ASTN2: variants seen among roughly 807,000 people sequenced by gnomAD.
The protein encoded by ASTN2 is astrotactin 2, also known as astrotactin-2.
Under a neutral mutation model 139.8 loss-of-function variants are expected in ASTN2, and 54 were observed. The ratio of observed to expected loss-of-function variants is 0.39; its 90% CI spans 0.31 to 0.48. ASTN2 has a LOEUF of 0.48. Ranked by LOEUF, ASTN2 falls within the 20% of genes least tolerant of loss-of-function variation. ASTN2 has a pLI of 0.95. For synonymous variants in ASTN2, 756 were observed against 719.5 expected (o/e 1.05, Z -0.81); for missense variants, 1,565 against 1,725.1 (o/e 0.91, Z 1.64).
intron 4 of ASTN2, among the ~76,000 whole-genome samples, chr9:117,099,762 T>C (rs1828929425): frequency 6.6e-6 from 1 of 152,124 alleles, no homozygotes; most frequent in African/African-American, 2.4e-5. Flanking sequence ...GGTAAATCTA[T>C]TCCTTTTTTA....
At chr9:117,230,185 G>A (rs201400369) in intron 2 of ASTN2, among the ~76,000 whole-genome samples, 16 of 139,252 alleles carry the variant, frequency 1.1e-4, no homozygotes, top group South Asian at 2.4e-4. Context: ...TCTTCAGGCT[G>A]AAAAAAAAAA....
chr9:116,779,102 C>A (rs1480798096), intron 13 of ASTN2, among the ~76,000 whole-genome samples: 1 of 56,784 alleles, frequency 1.8e-5, no homozygotes. Context: ...CAATCAATTC[C>A]TACCACTCTC....
intron 16 of ASTN2, among the ~76,000 whole-genome samples, chr9:116,678,345 C>T (rs549228185): frequency 3.9e-5 from 6 of 152,260 alleles, no homozygotes; most frequent in Non-Finnish European, 7.4e-5. Flanking sequence ...TAGGCTCCAC[C>T]CCTAGTACAT....
At chr9:116,702,885 A>C (rs537306687) in intron 16 of ASTN2, among the ~76,000 whole-genome samples, 2 of 152,198 alleles carry the variant, frequency 1.3e-5, no homozygotes, top group African/African-American at 2.4e-5. Flanking sequence ...GGGCACTCTT[A>C]TTCCAATCAG....
intron 10 of ASTN2, among the ~76,000 whole-genome samples, chr9:116,942,103 CA>C (rs1835255614): frequency 7.9e-5 from 11 of 139,610 alleles, no homozygotes; most frequent in Non-Finnish European, 1.4e-4. Flanking sequence ...CACACACACA[CA>C]CACACACACA....
At chr9:117,015,150 A>G (rs1837638730) in intron 6 of ASTN2, among the ~76,000 whole-genome samples, 2 of 152,000 alleles carry the variant, frequency 1.3e-5, no homozygotes, top group Admixed American at 1.3e-4. Context: ...AGCTAGGACT[A>G]CAGAGACACT....
chr9:116,788,606 T>G (rs1830443200), intron 13 of ASTN2, among the ~76,000 whole-genome samples: 1 of 152,102 alleles, frequency 6.6e-6, no homozygotes, highest in Non-Finnish European at 1.5e-5. Flanking sequence ...GTTACCTCAT[T>G]TATAAAATGA....
intron 4 of ASTN2, among the ~76,000 whole-genome samples, chr9:117,124,280 T>C (rs1249220814): frequency 6.6e-6 from 1 of 152,144 alleles, no homozygotes; most frequent in East Asian, 1.9e-4. Flanking sequence ...CTCATTTGTG[T>C]TATGGGACGA....
chr9:116,690,178 C>T (rs570882290), intron 16 of ASTN2, among the ~76,000 whole-genome samples: 7 of 152,300 alleles, frequency 4.6e-5, no homozygotes, highest in South Asian at 4.1e-4. Flanking sequence ...TCAGTAGCTA[C>T]GGCACTTGTC....
At chr9:116,600,085 G>A (rs576583488) in intron 19 of ASTN2, among the ~76,000 whole-genome samples, 1 of 152,204 alleles carries the variant, frequency 6.6e-6, no homozygotes, top group South Asian at 2.1e-4. Flanking sequence ...TACTTTGGGA[G>A]GTCAAGGTGG....
chr9:117,333,545 G>C (rs957274683), intron 1 of ASTN2, among the ~76,000 whole-genome samples: 1 of 152,100 alleles, frequency 6.6e-6, no homozygotes, highest in African/African-American at 2.4e-5. Flanking sequence ...TTATTGCAGG[G>C]GGGGTTGGAA....
At chr9:117,196,619 C>T (rs1831512078) in intron 3 of ASTN2, among the ~76,000 whole-genome samples, 1 of 152,132 alleles carries the variant, frequency 6.6e-6, no homozygotes. Flanking sequence ...TCTGCCTCCA[C>T]CCTAGATTCT....
chr9:117,214,886 G>T, intron 2 of ASTN2, 144 bp from the exon 3 acceptor site: 1 of 1,018,984 alleles, frequency 9.8e-7, no homozygotes, highest in Non-Finnish European at 1.3e-6. Context: ...TGGTTTTTAA[G>T]CTAGAGAGAC....
chr9:117,162,685 T>C (rs1830580398), intron 3 of ASTN2, among the ~76,000 whole-genome samples: 1 of 152,106 alleles, frequency 6.6e-6, no homozygotes. Flanking sequence ...ATTGTACTGT[T>C]GTACAAAGGG....
At chr9:116,482,530 TG>T (rs1477928739) in intron 20 of ASTN2, among the ~76,000 whole-genome samples, 2 of 152,132 alleles carry the variant, frequency 1.3e-5, no homozygotes, top group African/African-American at 4.8e-5. Flanking sequence ...CCTGCCTCAG[TG>T]TGCAAGCCTC....
rs550913960 is a variant in ASTN2, at chr9:117,218,488, C to A, written c.631-3746G>T. 1.8e-3 allele frequency among the ~76,000 whole-genome samples: 274 copies of A among 152,300 alleles called. 1 individual carries two copies. The highest frequency in any genetic ancestry group is 6.3e-3 in the African/African-American group (260 of 41,554). On this transcript the variant is annotated intron_variant, in intron 2 of 22. Transcript: ENST00000313400. ...TGCCACTGACTACTGAAACAGACAT[C>A]CCAGGCTGGGCTTCTAAAGAACTCA...
chr9:116,599,193 C>A (rs187100523), intron 19 of ASTN2, among the ~76,000 whole-genome samples: 3 of 152,278 alleles, frequency 2.0e-5, no homozygotes, highest in East Asian at 1.9e-4. Flanking sequence ...ACTGCTGTCA[C>A]GTGAGGGTGT....
intron 10 of ASTN2, among the ~76,000 whole-genome samples, chr9:116,927,337 G>A (rs891961618): frequency 6.6e-6 from 1 of 152,150 alleles, no homozygotes; most frequent in African/African-American, 2.4e-5. Flanking sequence ...ACAGTCACAT[G>A]GCCATCCTGA....
In ASTN2 at chr9:117,316,478, G is replaced by T. The variant is rs181911148; in HGVS notation, c.443-24965C>A. Among the ~76,000 whole-genome samples, 228 of 152,240 alleles carry T rather than the reference G, an allele frequency of 1.5e-3. 1 individual carries two copies. Among genetic ancestry groups the T allele is most frequent in the Non-Finnish European group, 2.7e-3 (184 of 68,004 alleles). ...CTCTCTCCCTCATGAGAGCCTCCCA[G>T]GGTGGGGAGCGATGGAAGGGGTCAT... is the stretch of plus-strand genomic sequence containing the variant. On this transcript the variant is annotated intron_variant, in intron 1 of 22. Transcript: ENST00000313400.
Sources: gnomAD v4.1 joint callset for allele counts (sites outside exome capture counted in the v4.1 genomes callset) on GRCh38, gnomAD v4.1.1 for gene constraint, MANE v1.5 for transcripts, NCBI Gene and HGNC (gene_info 2026-07-23, HGNC 2026-07-21) for gene names.